Variants in FRMD4B observed in about 807,000 individuals in gnomAD.
FRMD4B encodes FERM domain-containing protein 4B.
In FRMD4B, 74 loss-of-function variants were observed where a neutral mutation model predicts 141.5. That is an observed-to-expected ratio of 0.52 (90% CI 0.43 to 0.63). The LOEUF (loss-of-function observed/expected upper bound fraction) is 0.63. Ranked by LOEUF, FRMD4B falls within the 30% of genes least tolerant of loss-of-function variation. The probability of loss-of-function intolerance (pLI) is 0.00; values close to 1 mark genes in which losing one functional copy is unlikely to be tolerated. For missense variants in FRMD4B, 1,366 were observed against 1,253.4 expected, an observed-to-expected ratio of 1.09 and a Z score of -1.36; for synonymous variants, 506 against 467.9, an observed-to-expected ratio of 1.08 and a Z score of -1.05.
At chr3:69,309,485 G>T (rs1467942528) in intron 3 of FRMD4B, among the ~76,000 whole-genome samples, 1 of 150,916 alleles carries the variant, frequency 6.6e-6, no homozygotes, top group Non-Finnish European at 1.5e-5. Context: ...TGTCGCCCAG[G>T]CTGGATGGCA....
rs867370345 is a variant in FRMD4B, at chr3:69,170,236, C to G, written c.*1625G>C. The G allele has an allele frequency of 5.3e-5, 8 of 152,162 alleles. No homozygotes were observed. The highest frequency in any genetic ancestry group is 1.7e-4 in the African/African-American group (7 of 41,426). The allele number at this position is 152,162 out of a possible 1,614,324, so 9.4% of individuals were successfully genotyped here. On this transcript the variant is annotated 3_prime_UTR_variant, in exon 23 of 23. Transcript: ENST00000398540. ...ACTGCGACCTGCTTCACATGAACCC[C>G]TGACATAAATGGAAGAAAACGTAAA...
At chr3:69,216,202 C>A (rs1575619188) in intron 11 of FRMD4B, 61 bp downstream of exon 11, 4 of 905,342 alleles carry the variant, frequency 4.4e-6, no homozygotes, top group Non-Finnish European at 3.6e-6. Context: ...TGCTTTTCAA[C>A]TATGTTGTGA....
chr3:69,196,465 A>T, intron 13 of FRMD4B, 69 bp from the exon 14 acceptor site: 1 of 1,216,188 alleles, frequency 8.2e-7, no homozygotes, highest in Non-Finnish European at 1.2e-6. Context: ...CAATTAAGTT[A>T]ACATACAATA....
In FRMD4B at chr3:69,196,313, C is replaced by T. The variant is rs777816584; in HGVS notation, c.1176G>A (p.Val392=). ...ETGTQRASKL[V]TLETKSQFIM... ...TGAACTGACTTTTCGTCTCCAGTGT[C>T]ACCAGCTTGGAGGCCCTTTGTGTTC... The change falls in exon 14 of 23, where the codon GTG becomes GTA. Residue 392 remains valine (V), a synonymous_variant. Transcript: ENST00000398540. 5 of 1,607,174 alleles carry T rather than the reference C, an allele frequency of 3.1e-6. No individual in the cohort carries two copies. Among genetic ancestry groups the T allele is most frequent in the Middle Eastern group, 1.7e-4 (1 of 6,048 alleles).
chr3:69,456,696 C>CA (rs1381714955), intron 1 of FRMD4B, among the ~76,000 whole-genome samples: 4 of 144,112 alleles, frequency 2.8e-5, no homozygotes, highest in African/African-American at 1.0e-4. Flanking sequence ...TATTTAAATA[C>CA]ATACAAGACA....
intron 1 of FRMD4B, among the ~76,000 whole-genome samples, chr3:69,342,928 G>T (rs80194205): frequency 6.6e-6 from 1 of 152,138 alleles, no homozygotes; most frequent in East Asian, 1.9e-4. Context: ...GGGATAGGGA[G>T]AAATTTGTTA....
chr3:69,340,758 C>A (rs976584839), intron 1 of FRMD4B, among the ~76,000 whole-genome samples: 1 of 152,126 alleles, frequency 6.6e-6, no homozygotes, highest in Non-Finnish European at 1.5e-5. Flanking sequence ...TGAGTGTTAT[C>A]GTCTTTTAGT....
chr3:69,183,129 T>C (rs988845711), intron 19 of FRMD4B, among the ~76,000 whole-genome samples: 3 of 152,190 alleles, frequency 2.0e-5, no homozygotes, highest in African/African-American at 4.8e-5. Flanking sequence ...TTTGGCTTTG[T>C]GGGCCAGATG....
At chr3:69,264,676 G>T (rs560732310) in intron 5 of FRMD4B, among the ~76,000 whole-genome samples, 3 of 152,100 alleles carry the variant, frequency 2.0e-5, no homozygotes, top group Non-Finnish European at 4.4e-5. Flanking sequence ...TACAAAAGTA[G>T]CAGGAAAATA....
chr3:69,228,395 AG>A (rs763203894), intron 7 of FRMD4B: 1 of 457,064 alleles, frequency 2.2e-6, no homozygotes, highest in Non-Finnish European at 4.4e-6. Context: ...AAGCGAGCTG[AG>A]AAATGTAAGT....
Position 69,311,355 on chromosome 3 carries a change from G to C in FRMD4B, c.231C>G (p.Pro77=), listed in dbSNP as rs775304955. ...DDRRLELLVQ[P]KLLARELLDL... Reference sequence around the variant, plus strand: ...CCAGCAACTCTCTTGCTAGAAGTTTGGGCTGTCAAAATAAAAATCTGGTTA... The same window carrying C: ...CCAGCAACTCTCTTGCTAGAAGTTTCGGCTGTCAAAATAAAAATCTGGTTA... Residue 77 remains proline, a splice_region_variant and synonymous_variant, in exon 3 of 23, where the codon CCC becomes CCG. Transcript: ENST00000398540. 1.3e-6 allele frequency: 2 copies of C among 1,580,338 alleles called. No homozygotes were observed. Among genetic ancestry groups the C allele is most frequent in the East Asian group, 2.2e-5 (1 of 44,696 alleles).
chr3:69,177,419 G>A (rs1474051224), intron 21 of FRMD4B, among the ~76,000 whole-genome samples: 2 of 152,122 alleles, frequency 1.3e-5, no homozygotes, highest in Admixed American at 6.5e-5. Flanking sequence ...GGAAGTCAAG[G>A]TGGGAGTAAC....
At chr3:69,196,175 A>T in intron 14 of FRMD4B, 80 bp downstream of exon 14, 1 of 1,047,220 alleles carries the variant, frequency 9.5e-7, no homozygotes, top group Non-Finnish European at 1.4e-6. Flanking sequence ...GGATTAAAAG[A>T]TGAATTTCGA....
intron 1 of FRMD4B, among the ~76,000 whole-genome samples, chr3:69,481,531 G>A (rs909062728): frequency 1.2e-4 from 18 of 152,094 alleles, no homozygotes; most frequent in East Asian, 3.8e-4. Context: ...GATATTTCAC[G>A]TAACAGTTAG....
At chr3:69,455,602 C>T (rs984947057) in intron 1 of FRMD4B, among the ~76,000 whole-genome samples, 2 of 152,154 alleles carry the variant, frequency 1.3e-5, no homozygotes, top group Non-Finnish European at 2.9e-5. Context: ...CTGGATGCAC[C>T]ATCTTTAAGA....
chr3:69,410,458 G>A (rs1704734270), intron 2 of FRMD4B, among the ~76,000 whole-genome samples: 2 of 151,924 alleles, frequency 1.3e-5, no homozygotes, highest in African/African-American at 4.8e-5. Context: ...ATATGTGTGT[G>A]AGTACGTGAG....
intron 1 of FRMD4B, among the ~76,000 whole-genome samples, chr3:69,458,849 T>TAA (rs35229515): frequency 0.023 from 1,922 of 81,978 alleles, 84 homozygotes; most frequent in African/African-American, 0.082. Flanking sequence ...ATGGGCTGCT[T>TAA]AAAAAAAAAA....
chr3:69,474,593 T>C (rs1322390240), intron 1 of FRMD4B, among the ~76,000 whole-genome samples: 1 of 152,196 alleles, frequency 6.6e-6, no homozygotes, highest in Admixed American at 6.5e-5. Context: ...ATGCTTCATA[T>C]ATTATTACAA....
chr3:69,201,443 A>G (rs1312869711), intron 11 of FRMD4B, among the ~76,000 whole-genome samples: 1 of 152,156 alleles, frequency 6.6e-6, no homozygotes, highest in South Asian at 2.1e-4. Flanking sequence ...TAAAGTAATA[A>G]AAGTTTATAT....
Sources: allele counts gnomAD v4.1 joint callset (sites outside exome capture counted in the v4.1 genomes callset), GRCh38; gene constraint gnomAD v4.1.1; transcripts MANE v1.5; gene names NCBI Gene and HGNC (gene_info 2026-07-23, HGNC 2026-07-21).